Variants in MAPK10 observed in about 807,000 individuals in gnomAD.
MAPK10 encodes the protein mitogen-activated protein kinase 10, also known as JNK3 alpha protein kinase.
In MAPK10, 25 loss-of-function variants were observed where a neutral mutation model predicts 59.3. That is an observed-to-expected ratio of 0.42 (90% CI 0.31 to 0.59). The LOEUF is 0.59. Ranked by LOEUF, MAPK10 falls within the 20% of genes least tolerant of loss-of-function variation. The pLI is 0.15. For missense variants in MAPK10, 351 were observed against 568.9 expected, an observed-to-expected ratio of 0.62 and a Z score of 3.90; for synonymous variants, 190 against 200.5, an observed-to-expected ratio of 0.95 and a Z score of 0.44.
chr4:86,442,348 T>C (rs952561888), intron 1 of MAPK10, among the ~76,000 whole-genome samples: 1 of 152,226 alleles, frequency 6.6e-6, no homozygotes, highest in Non-Finnish European at 1.5e-5. Context: ...TTTATCCTAA[T>C]GGCAACTATG....
Position 86,014,220 on chromosome 4 carries a change from T to G in MAPK10, c.*3008A>C, listed in dbSNP as rs1051067569. The G allele has an allele frequency of 3.9e-5, 6 of 152,068 alleles. No homozygotes were observed. The allele number at this position is 152,068 out of a possible 1,614,324, so 9.4% of individuals were successfully genotyped here. A position where few individuals can be genotyped will look rare whatever the true frequency, so the allele number is the denominator to read the frequency against. Reference sequence around the variant, plus strand: ...AACCTTCACTTTTTTTCAGGAATATTGTCCAGGTGACTTGACACTTGCCTA... The same window carrying G: ...AACCTTCACTTTTTTTCAGGAATATGGTCCAGGTGACTTGACACTTGCCTA... On this transcript the variant is annotated 3_prime_UTR_variant, in exon 14 of 14. Transcript: ENST00000641462.
At chr4:86,501,581 C>T (rs1372875820) in intron 1 of MAPK10, among the ~76,000 whole-genome samples, 1 of 151,812 alleles carries the variant, frequency 6.6e-6, no homozygotes, top group African/African-American at 2.4e-5. Flanking sequence ...GGGTTAAACC[C>T]ATAATATCCA....
At chr4:86,387,904 C>T (rs1741703625) in intron 1 of MAPK10, among the ~76,000 whole-genome samples, 2 of 151,308 alleles carry the variant, frequency 1.3e-5, no homozygotes, top group African/African-American at 4.9e-5. Flanking sequence ...AAGACAGTTA[C>T]TTAGAGTAGC....
At chr4:86,043,332 G>A (rs895288710) in intron 11 of MAPK10, among the ~76,000 whole-genome samples, 14 of 152,092 alleles carry the variant, frequency 9.2e-5, no homozygotes, top group Admixed American at 7.2e-4. Context: ...AACATGCAGG[G>A]GTGCAGAAAG....
At chr4:86,341,047 C>T (rs554982898) in intron 2 of MAPK10, among the ~76,000 whole-genome samples, 1 of 152,212 alleles carries the variant, frequency 6.6e-6, no homozygotes, top group Admixed American at 6.5e-5. Context: ...ATGGACAACA[C>T]AGGGAGAGAT....
chr4:86,551,580 C>T lies in MAPK10; in HGVS notation c.-263+42330G>A, dbSNP rs1255319756. 3.7e-5 allele frequency among the ~76,000 whole-genome samples: 3 copies of T among 80,986 alleles called. No homozygotes were observed. The East Asian group carries it at 1.2e-3, about 31-fold the overall frequency. 53.1% of individuals were successfully genotyped at this position (80,986 alleles called of 152,430 possible). On this transcript the variant is annotated intron_variant, in intron 1 of 4. Coordinates refer to the MAPK10 transcript ENST00000502302. ...CCTTCCTTCTTCTCTCTTTCTTTCT[C>T]TCTCTCTCTCTCTCTGTCTCTCTTT...
At chr4:86,448,784 A>G (rs1750355089) in intron 1 of MAPK10, among the ~76,000 whole-genome samples, 1 of 152,154 alleles carries the variant, frequency 6.6e-6, no homozygotes. Flanking sequence ...TATTATTATT[A>G]CATTGTAATA....
chr4:86,549,605 A>T (rs1228637773), intron 1 of MAPK10, among the ~76,000 whole-genome samples: 3 of 152,254 alleles, frequency 2.0e-5, no homozygotes, highest in African/African-American at 4.8e-5. Context: ...TTAGGGCATT[A>T]CTGTACACTA....
chr4:86,407,688 A>G (rs1744534530), intron 1 of MAPK10, among the ~76,000 whole-genome samples: 1 of 152,202 alleles, frequency 6.6e-6, no homozygotes, highest in Non-Finnish European at 1.5e-5. Flanking sequence ...AAAAGATAAA[A>G]ATAAATTGTA....
intron 2 of MAPK10, among the ~76,000 whole-genome samples, chr4:86,218,568 CAAA>C (rs11330422): frequency 0.038 from 3,604 of 95,430 alleles, 44 homozygotes; most frequent in South Asian, 0.06. Context: ...AAGACTTAAG[CAAA>C]AAAAAAAAAA....
intron 2 of MAPK10, among the ~76,000 whole-genome samples, chr4:86,195,472 A>G (rs1242680872): frequency 6.6e-6 from 1 of 152,220 alleles, no homozygotes; most frequent in Non-Finnish European, 1.5e-5. Context: ...GTTGAAAACA[A>G]TGTGAAAGAA....
chr4:86,145,215 A>ATTTGATGATTTTAGAAAATTAGT (rs1581231448), intron 4 of MAPK10, among the ~76,000 whole-genome samples: 4 of 141,052 alleles, frequency 2.8e-5, no homozygotes, highest in Admixed American at 6.9e-5. Context: ...TTCTATCTCT[A>ATTTGATGATTTTAGAAAATTAGT]GCCGGGCGTG....
intron 1 of MAPK10, among the ~76,000 whole-genome samples, chr4:86,470,829 A>AAAT (rs1393879034): frequency 6.6e-6 from 1 of 152,242 alleles, no homozygotes; most frequent in Non-Finnish European, 1.5e-5. Flanking sequence ...GTGATGTGAA[A>AAAT]AATAATAAAG....
chr4:86,487,996 G>T (rs1754143073), intron 1 of MAPK10, among the ~76,000 whole-genome samples: 1 of 152,106 alleles, frequency 6.6e-6, no homozygotes, highest in African/African-American at 2.4e-5. Context: ...AGGCCTCAAG[G>T]TCTGATGCTA....
At chr4:86,275,014 A>G (rs1038368389) in intron 2 of MAPK10, among the ~76,000 whole-genome samples, 1 of 152,054 alleles carries the variant, frequency 6.6e-6, no homozygotes, top group African/African-American at 2.4e-5. Context: ...CATCTTCAGA[A>G]CCCCATTCAC....
intron 1 of MAPK10, among the ~76,000 whole-genome samples, chr4:86,365,730 T>C (rs1345084353): frequency 6.6e-6 from 1 of 152,184 alleles, no homozygotes; most frequent in Non-Finnish European, 1.5e-5. Context: ...ATATTTGAAC[T>C]TTGTATTTAG....
At chr4:86,032,881 T>C (rs1040250242) in intron 11 of MAPK10, among the ~76,000 whole-genome samples, 4 of 152,192 alleles carry the variant, frequency 2.6e-5, no homozygotes, top group Non-Finnish European at 4.4e-5. Context: ...GTTTGACTGA[T>C]ACTGGGGCAG....
chr4:86,171,711 G>A (rs2074231672), intron 3 of MAPK10, among the ~76,000 whole-genome samples: 1 of 151,980 alleles, frequency 6.6e-6, no homozygotes, highest in African/African-American at 2.4e-5. Flanking sequence ...GGCAACAAAA[G>A]ACAAAATTGA....
intron 2 of MAPK10, among the ~76,000 whole-genome samples, chr4:86,226,408 TA>T (rs1400642803): frequency 6.6e-6 from 1 of 152,178 alleles, no homozygotes; most frequent in Non-Finnish European, 1.5e-5. Flanking sequence ...CATATAAAAA[TA>T]GAGGAAAAAC....
Sources: gnomAD v4.1 joint callset for allele counts (sites outside exome capture counted in the v4.1 genomes callset) on GRCh38, gnomAD v4.1.1 for gene constraint, MANE v1.5 for transcripts, NCBI Gene and HGNC (gene_info 2026-07-23, HGNC 2026-07-21) for gene names.